Variants in PRICKLE2 observed in about 807,000 individuals in gnomAD.
The protein encoded by PRICKLE2 is prickle-like protein 2.
Under a neutral mutation model 81.4 loss-of-function variants are expected in PRICKLE2, and 21 were observed. That is an observed-to-expected ratio of 0.26 (90% confidence interval 0.18 to 0.37). The LOEUF (loss-of-function observed/expected upper bound fraction) is 0.37, where lower values mean the gene tolerates loss of function less well. Among genes scored for constraint, PRICKLE2 ranks in the 10% least tolerant of loss-of-function variants. The probability of loss-of-function intolerance (pLI) is 1.00; values close to 1 mark genes in which losing one functional copy is unlikely to be tolerated. For missense variants in PRICKLE2, 940 were observed against 1,109.0 expected, an observed-to-expected ratio of 0.85 and a Z score of 2.16; for synonymous variants, 456 against 421.5, an observed-to-expected ratio of 1.08 and a Z score of -1.00.
chr3:64,142,042 G>A (rs2077370324), intron 7 of PRICKLE2: 2 of 694,314 alleles, frequency 2.9e-6, no homozygotes, highest in African/African-American at 3.9e-5. Context: ...AAACAGTGAG[G>A]GACAGCAGCA....
chr3:64,239,457 G>T (rs760723554), intron 2 of PRICKLE2, among the ~76,000 whole-genome samples: 12 of 152,222 alleles, frequency 7.9e-5, no homozygotes, highest in Non-Finnish European at 1.2e-4. Context: ...AGGGAACATG[G>T]AGATGCTTCC....
chr3:64,235,432 C>A (rs2079165383), intron 2 of PRICKLE2, among the ~76,000 whole-genome samples: 1 of 152,180 alleles, frequency 6.6e-6, no homozygotes, highest in Non-Finnish European at 1.5e-5. Flanking sequence ...TCACACTTTT[C>A]TGTTTCTTTG....
rs527292252 is a variant in PRICKLE2 at position 64,197,540 on chromosome 3, C to T, written c.144+1244G>A. 2.6e-5 allele frequency among the ~76,000 whole-genome samples: 4 copies of T among 152,262 alleles called. No individual in the cohort carries two copies. The South Asian group carries it at 8.3e-4, about 32-fold the overall frequency. On this transcript the variant is annotated intron_variant, in intron 2 of 7. Transcript: ENST00000638394. ...ATGCAGCCATAAAAAAGTACAAGAT[C>T]ATATCCTTTGGAGGAACATGCACAG...
chr3:64,143,428 G>T (rs537942790), intron 7 of PRICKLE2, among the ~76,000 whole-genome samples: 1 of 152,214 alleles, frequency 6.6e-6, no homozygotes, highest in Non-Finnish European at 1.5e-5. Context: ...AATCATGAGA[G>T]TAAATCTCCC....
At chr3:64,115,386 A>G (rs2076918080) in intron 7 of PRICKLE2, among the ~76,000 whole-genome samples, 1 of 152,198 alleles carries the variant, frequency 6.6e-6, no homozygotes, top group Non-Finnish European at 1.5e-5. Flanking sequence ...GAATGACCCA[A>G]TTAAAAGACA....
chr3:64,154,180 G>C (rs1242495607), intron 5 of PRICKLE2: 1 of 152,212 alleles, frequency 6.6e-6, no homozygotes, highest in East Asian at 1.9e-4. Context: ...AACAAACAGA[G>C]CTGGGACAAC....
rs552922650 is a variant in PRICKLE2, at chr3:64,151,537, T to C, written c.787+1645A>G. Among the ~76,000 whole-genome samples the C allele has an allele frequency of 2.0e-5, 3 of 152,276 alleles. No homozygotes were observed. In the East Asian group the frequency reaches 5.8e-4, roughly 29 times the overall value. ...AAGTGGCAGTTTCTGGAGAGGCTCT[T>C]AGCCTCCAAGGACAGAAACAGGAAA... On this transcript the variant is annotated intron_variant, in intron 6 of 7. Coordinates refer to ENST00000638394, the MANE Select transcript of PRICKLE2 (RefSeq NM_198859.4).
chr3:64,245,888 G>A (rs759698553), intron 2 of PRICKLE2, among the ~76,000 whole-genome samples: 3 of 152,126 alleles, frequency 2.0e-5, no homozygotes, highest in Non-Finnish European at 2.9e-5. Flanking sequence ...CAAAGATGGG[G>A]TTCTCTCTCA....
intron 2 of PRICKLE2, chr3:64,174,891 CTA>C (rs2077995876): frequency 3.3e-5 from 7 of 211,272 alleles, no homozygotes; most frequent in Middle Eastern, 1.1e-3. Flanking sequence ...TTTCCTGAGA[CTA>C]TGGTGTGCTG....
chr3:64,235,951 C>T (rs1207683149), intron 2 of PRICKLE2, among the ~76,000 whole-genome samples: 1 of 151,968 alleles, frequency 6.6e-6, no homozygotes, highest in East Asian at 1.9e-4. Context: ...GGGGGAGGGG[C>T]AGTATGTGGC....
chr3:64,123,842 G>C (rs2077066358), intron 7 of PRICKLE2, among the ~76,000 whole-genome samples: 1 of 152,048 alleles, frequency 6.6e-6, no homozygotes, highest in Non-Finnish European at 1.5e-5. Flanking sequence ...CTGTTCTCAG[G>C]TCTATTTCCT....
chr3:64,199,340 T>C (rs1447259706), intron 1 of PRICKLE2: 4 of 314,266 alleles, frequency 1.3e-5, no homozygotes, highest in Non-Finnish European at 2.4e-5. Flanking sequence ...CAATTAAATA[T>C]ACATAATACA....
chr3:64,174,312 T>C (rs1461572592), intron 2 of PRICKLE2: 1 of 152,204 alleles, frequency 6.6e-6, no homozygotes, highest in East Asian at 1.9e-4. Flanking sequence ...ATTGTCCTTA[T>C]CTCTAGGACT....
intron 2 of PRICKLE2, chr3:64,194,218 C>T (rs150550331): frequency 6.6e-6 from 1 of 152,370 alleles, no homozygotes; most frequent in East Asian, 1.9e-4. Flanking sequence ...CCTCAGGGAT[C>T]TGCTCAAGCA....
intron 2 of PRICKLE2, among the ~76,000 whole-genome samples, chr3:64,187,145 G>A (rs977382325): frequency 1.1e-4 from 17 of 152,208 alleles, no homozygotes; most frequent in African/African-American, 4.1e-4. Context: ...CCGTGTTGCT[G>A]CTGACTTCAT....
intron 2 of PRICKLE2, among the ~76,000 whole-genome samples, chr3:64,258,185 G>A (rs1173795550): frequency 3.9e-5 from 6 of 152,000 alleles, no homozygotes; most frequent in Non-Finnish European, 8.8e-5. Context: ...CAAGCAATTA[G>A]CGGGTGGGGG....
At chr3:64,174,537 G>A (rs1281955937) in intron 2 of PRICKLE2, 2 of 153,532 alleles carry the variant, frequency 1.3e-5, no homozygotes, top group Non-Finnish European at 2.9e-5. Flanking sequence ...GATTCTGGTC[G>A]AGCAGAATTC....
chr3:64,196,925 GA>G (rs946291630), intron 2 of PRICKLE2, among the ~76,000 whole-genome samples: 1 of 152,106 alleles, frequency 6.6e-6, no homozygotes, highest in African/African-American at 2.4e-5. Context: ...ACTTTTACAT[GA>G]AAAAATCTCT....
chr3:64,184,244 G>T (rs2078183235), intron 2 of PRICKLE2, among the ~76,000 whole-genome samples: 1 of 152,162 alleles, frequency 6.6e-6, no homozygotes, highest in Admixed American at 6.5e-5. Flanking sequence ...CTATAAGGCA[G>T]GAAACATTAC....
Sources: gnomAD v4.1 joint callset for allele counts (sites outside exome capture counted in the v4.1 genomes callset) on GRCh38, gnomAD v4.1.1 for gene constraint, MANE v1.5 for transcripts, NCBI Gene and HGNC (gene_info 2026-07-23, HGNC 2026-07-21) for gene names.